NAV2: variants seen among roughly 807,000 people sequenced by gnomAD.
The protein encoded by NAV2 is neuron navigator 2, also known as helicase, APC down-regulated 1.
NAV2 carries 54 observed loss-of-function variants against 223.2 expected under a neutral mutation model. That is an observed-to-expected ratio of 0.24 (90% confidence interval 0.19 to 0.30). The LOEUF (loss-of-function observed/expected upper bound fraction) is 0.30. Among genes scored for constraint, NAV2 ranks in the 10% least tolerant of loss-of-function variants. The pLI is 1.00. For missense variants in NAV2, 2,806 were observed against 3,147.5 expected, an observed-to-expected ratio of 0.89 and a Z score of 2.60; for synonymous variants, 1,279 against 1,239.3, an observed-to-expected ratio of 1.03 and a Z score of -0.67.
chr11:19,545,157 C>T (rs554079875), intron 1 of NAV2, among the ~76,000 whole-genome samples: 7 of 152,212 alleles, frequency 4.6e-5, no homozygotes, highest in Admixed American at 1.3e-4. Flanking sequence ...CAGCCCTCCA[C>T]GCCAGTGTGG....
At chr11:19,378,771 G>T (rs1848730952) in intron 1 of NAV2, among the ~76,000 whole-genome samples, 1 of 152,128 alleles carries the variant, frequency 6.6e-6, no homozygotes, top group Non-Finnish European at 1.5e-5. Flanking sequence ...ACACACCTTA[G>T]TGCTGCTAAG....
chr11:19,761,619 C>G (rs928032400), intron 1 of NAV2, among the ~76,000 whole-genome samples: 1 of 152,132 alleles, frequency 6.6e-6, no homozygotes, highest in South Asian at 2.1e-4. Context: ...CTCATGAGTT[C>G]GTGGCTGTTT....
intron 1 of NAV2, among the ~76,000 whole-genome samples, chr11:19,386,534 G>A (rs1849049340): frequency 6.6e-6 from 1 of 152,192 alleles, no homozygotes; most frequent in African/African-American, 2.4e-5. Context: ...GATTCTCAGA[G>A]ACAGCGGGAG....
At chr11:19,684,141 C>T (rs1391540060) in intron 1 of NAV2, among the ~76,000 whole-genome samples, 6 of 152,088 alleles carry the variant, frequency 3.9e-5, no homozygotes, top group Non-Finnish European at 7.4e-5. Context: ...GGATAATTAG[C>T]TCCATTTTCT....
chr11:20,001,717 A>AT (rs1219391364), intron 11 of NAV2, among the ~76,000 whole-genome samples: 1 of 64,212 alleles, frequency 1.6e-5, no homozygotes, highest in Non-Finnish European at 3.1e-5. Flanking sequence ...GGGTGGGGGG[A>AT]GGGGGGACGG....
At chr11:20,002,052 T>C (rs766652834) in intron 11 of NAV2, among the ~76,000 whole-genome samples, 2 of 152,174 alleles carry the variant, frequency 1.3e-5, no homozygotes, top group Non-Finnish European at 2.9e-5. Context: ...ATGAAGGCCC[T>C]CTTCTGGGCT....
At chr11:19,960,629 T>A (rs140199907) in intron 10 of NAV2, among the ~76,000 whole-genome samples, 25 of 87,910 alleles carry the variant, frequency 2.8e-4, no homozygotes, top group Admixed American at 1.6e-3. Flanking sequence ...TTATTTATTT[T>A]TTGAGACAGA....
intron 1 of NAV2, among the ~76,000 whole-genome samples, chr11:19,370,490 G>A (rs2729930): frequency 0.96 from 145,654 of 152,348 alleles, 69,950 homozygotes; most frequent in East Asian, 1. Flanking sequence ...GACCTCAGAT[G>A]GCACAGTTTT....
At chr11:19,477,052 C>T (rs1220261483) in intron 1 of NAV2, among the ~76,000 whole-genome samples, 3 of 152,138 alleles carry the variant, frequency 2.0e-5, no homozygotes, top group Admixed American at 6.5e-5. Flanking sequence ...GGGTCCTTTG[C>T]CCCCACACCT....
At position 19,809,530 on chromosome 11, in the gene NAV2, C is replaced by T. The variant is rs2058748509; in HGVS notation, c.268-22954C>T. Among the ~76,000 whole-genome samples, 4 of 152,190 alleles carry T rather than the reference C, an allele frequency of 2.6e-5. No individual in the cohort carries two copies. The South Asian group carries it at 8.3e-4, about 32-fold the overall frequency. ...ACCCATTATTAACAACTAATATTCA[C>T]ATATTAGTTAGTGAACCCATGAACC... is the stretch of plus-strand genomic sequence containing the variant. On this transcript the variant is annotated intron_variant, in intron 1 of 37. Coordinates refer to ENST00000349880, the MANE Select transcript of NAV2 (RefSeq NM_145117.5).
chr11:19,761,847 C>T (rs1226803558), intron 1 of NAV2, among the ~76,000 whole-genome samples: 1 of 152,206 alleles, frequency 6.6e-6, no homozygotes, highest in African/African-American at 2.4e-5. Context: ...AAGTCCATTT[C>T]TTTTCATGTT....
rs1565594630 is a variant in NAV2 at position 19,935,862 on chromosome 11, T to TGG, written c.2033+1585_2033+1586insGG. ...TTTGTTTTGTTTCTGTTTTTTTTTT[T>TGG]TTTTTTTTTTTTTGAGATGGAGTGT... On this transcript the variant is annotated intron_variant, in intron 7 of 37. Transcript: ENST00000349880. Among the ~76,000 whole-genome samples the TGG allele has an allele frequency of 3.5e-5, 4 of 112,910 alleles. No individual in the cohort carries two copies. In the South Asian group the frequency reaches 1.2e-3, roughly 33 times the overall value. 74.1% of individuals were successfully genotyped at this position (112,910 alleles called of 152,430 possible).
chr11:19,712,509 G>T (rs988818605), upstream of NAV2: 2 of 152,200 alleles, frequency 1.3e-5, no homozygotes, highest in African/African-American at 4.8e-5. Context: ...ATTTGAAAAA[G>T]GAAACAAACT....
chr11:19,463,140 T>C (rs941027956), intron 1 of NAV2, among the ~76,000 whole-genome samples: 6 of 152,246 alleles, frequency 3.9e-5, no homozygotes, highest in Admixed American at 6.5e-5. Flanking sequence ...AGACTCCAAA[T>C]ATCTATAACT....
chr11:19,487,076 G>A (rs1340274499), intron 1 of NAV2, among the ~76,000 whole-genome samples: 1 of 152,190 alleles, frequency 6.6e-6, no homozygotes, highest in Non-Finnish European at 1.5e-5. Flanking sequence ...CTGGGTAAGT[G>A]GCTTTCCCTC....
At chr11:20,114,833 T>G (rs200989332) in intron 37 of NAV2, 38 bp downstream of exon 37, 11 of 1,572,818 alleles carry the variant, frequency 7.0e-6, no homozygotes, top group Non-Finnish European at 8.7e-6. Context: ...AGCATTCCTT[T>G]AGCACTTACT....
chr11:19,947,086 G>A (rs956045427), intron 9 of NAV2, among the ~76,000 whole-genome samples: 3 of 152,206 alleles, frequency 2.0e-5, no homozygotes, highest in Non-Finnish European at 4.4e-5. Context: ...TTGGGCAGGA[G>A]GAGGTTTTAT....
chr11:19,652,872 T>C (rs2048010095), intron 1 of NAV2, among the ~76,000 whole-genome samples: 1 of 152,278 alleles, frequency 6.6e-6, no homozygotes, highest in Non-Finnish European at 1.5e-5. Flanking sequence ...TTCTCTTTAA[T>C]GGATGCAAAG....
At chr11:19,559,926 G>A (rs976865822) in intron 1 of NAV2, among the ~76,000 whole-genome samples, 1 of 152,168 alleles carries the variant, frequency 6.6e-6, no homozygotes, top group African/African-American at 2.4e-5. Context: ...TGGACAGCCT[G>A]GAGTGCTGCC....
Sources: gnomAD v4.1 joint callset for allele counts (sites outside exome capture counted in the v4.1 genomes callset) on GRCh38, gnomAD v4.1.1 for gene constraint, MANE v1.5 for transcripts, NCBI Gene and HGNC (gene_info 2026-07-23, HGNC 2026-07-21) for gene names.